The following PIK3C2G variants were observed in gnomAD, a reference collection of about 807,000 sequenced individuals.
PIK3C2G encodes phosphatidylinositol 3-kinase C2 domain-containing subunit gamma.
In PIK3C2G, 168 loss-of-function variants were observed where a neutral mutation model predicts 181.1. The ratio of observed to expected loss-of-function variants is 0.93; its 90% CI spans 0.82 to 1.05. The LOEUF (loss-of-function observed/expected upper bound fraction) is 1.05. Among genes scored for constraint, PIK3C2G ranks in the 50% least tolerant of loss-of-function variants. PIK3C2G has a pLI of 0.00. For synonymous variants in PIK3C2G, 573 were observed against 592.2 expected (o/e 0.97, Z 0.47); for missense variants, 1,869 against 1,732.8 (o/e 1.08, Z -1.40).
chr12:18,493,191 T>TG (rs1443265890), intron 20 of PIK3C2G: 1 of 152,250 alleles, frequency 6.6e-6, no homozygotes, highest in African/African-American at 2.4e-5. Context: ...ATGATGAATG[T>TG]GGCAAGGCCT....
rs146141511 is a variant in PIK3C2G, at chr12:18,592,124, G to T, written c.4012-2370G>T. Among the ~76,000 whole-genome samples the T allele has an allele frequency of 6.0e-3, 918 of 151,902 alleles. 2 individuals carry two copies. The highest frequency in any genetic ancestry group is 0.01 in the Middle Eastern group (3 of 294). Reference sequence around the variant, plus strand: ...GAAGAGTCAAGTGAACCAGTGAAAAGATATTTTGAGATAGAAGGCTTAGGT... The same window carrying T: ...GAAGAGTCAAGTGAACCAGTGAAAATATATTTTGAGATAGAAGGCTTAGGT... On this transcript the variant is annotated intron_variant, in intron 29 of 32. Transcript: ENST00000538779.
chr12:18,575,188 C>T (rs1263416248), intron 29 of PIK3C2G, among the ~76,000 whole-genome samples: 1 of 152,106 alleles, frequency 6.6e-6, no homozygotes, highest in East Asian at 1.9e-4. Context: ...TTTTAGATCC[C>T]TTTCAGCAGT....
intron 24 of PIK3C2G, among the ~76,000 whole-genome samples, chr12:18,536,711 C>T (rs1943872595): frequency 6.6e-6 from 1 of 152,060 alleles, no homozygotes; most frequent in African/African-American, 2.4e-5. Context: ...TATGCTATAT[C>T]TCATGTTTTC....
At chr12:18,669,544 G>A in the PIK3C2G span, among the ~76,000 whole-genome samples, 3 of 152,172 alleles carry the variant, frequency 2.0e-5, no homozygotes, top group African/African-American at 7.2e-5. Context: ...CTGGAGGCTG[G>A]AAAGTCCAAT....
At chr12:18,516,505 T>C (rs1942556884) in intron 24 of PIK3C2G, among the ~76,000 whole-genome samples, 1 of 152,104 alleles carries the variant, frequency 6.6e-6, no homozygotes. Flanking sequence ...TTCCTCTACC[T>C]GAACAATGTC....
At chr12:18,369,492 TATG>T (rs1329471531) in intron 12 of PIK3C2G, among the ~76,000 whole-genome samples, 8 of 134,226 alleles carry the variant, frequency 6.0e-5, no homozygotes, top group Admixed American at 4.7e-4. Flanking sequence ...ATAATTGACA[TATG>T]ATCATATAAC....
chr12:18,701,802 A>G, the PIK3C2G span: 1 of 1,578,196 alleles, frequency 6.3e-7, no homozygotes, highest in African/African-American at 1.4e-5. Flanking sequence ...GAGAGATACA[A>G]TTACACATTT....
intron 11 of PIK3C2G, among the ~76,000 whole-genome samples, chr12:18,355,786 T>C (rs1330553325): frequency 1.3e-5 from 2 of 152,160 alleles, no homozygotes; most frequent in East Asian, 1.9e-4. Context: ...TCTAAGAACA[T>C]ATGGAAATTG....
intron 12 of PIK3C2G, among the ~76,000 whole-genome samples, chr12:18,369,494 T>C (rs868815595): frequency 1.9e-4 from 26 of 134,040 alleles, no homozygotes; most frequent in African/African-American, 5.9e-4. Flanking sequence ...AATTGACATA[T>C]GATCATATAA....
intron 31 of PIK3C2G, among the ~76,000 whole-genome samples, chr12:18,611,824 G>C (rs1009493904): frequency 2.0e-5 from 3 of 152,012 alleles, no homozygotes; most frequent in African/African-American, 7.2e-5. Context: ...CTCCTCCACT[G>C]CTTCCACTTT....
intron 3 of PIK3C2G, among the ~76,000 whole-genome samples, chr12:18,287,190 T>C (rs1282246050): frequency 6.6e-6 from 1 of 152,158 alleles, no homozygotes; most frequent in African/African-American, 2.4e-5. Flanking sequence ...CATGCACTTG[T>C]TTGTTGGTGG....
the PIK3C2G span, among the ~76,000 whole-genome samples, chr12:18,691,147 TCAG>T: frequency 6.6e-6 from 1 of 151,986 alleles, no homozygotes; most frequent in Non-Finnish European, 1.5e-5. Flanking sequence ...AGGAATAGAA[TCAG>T]CAGAATTTAA....
chr12:18,713,925 A>G, the PIK3C2G span: 3 of 152,208 alleles, frequency 2.0e-5, no homozygotes, highest in Non-Finnish European at 2.9e-5. Flanking sequence ...TTCAGTGTTC[A>G]TACTACAAGA....
At chr12:18,668,362 A>T in the PIK3C2G span, among the ~76,000 whole-genome samples, 1 of 152,220 alleles carries the variant, frequency 6.6e-6, no homozygotes, top group African/African-American at 2.4e-5. Context: ...CAGTTTACTA[A>T]TTCCCTTTTG....
At chr12:18,334,179 C>G (rs895634930) in intron 8 of PIK3C2G, among the ~76,000 whole-genome samples, 1 of 152,058 alleles carries the variant, frequency 6.6e-6, no homozygotes, top group Non-Finnish European at 1.5e-5. Context: ...GTCTAAACTC[C>G]TATGCAATGC....
the PIK3C2G span, among the ~76,000 whole-genome samples, chr12:18,656,972 C>A: frequency 6.6e-6 from 1 of 152,248 alleles, no homozygotes; most frequent in African/African-American, 2.4e-5. Flanking sequence ...CAGCAGCTCA[C>A]ATTTTTTGTA....
chr12:18,338,872 C>A (rs1938838391), intron 9 of PIK3C2G, among the ~76,000 whole-genome samples: 2 of 151,864 alleles, frequency 1.3e-5, no homozygotes, highest in Admixed American at 1.3e-4. Context: ...ACAATCCTAC[C>A]TAAATGAACG....
At chr12:18,572,331 A>C (rs1035261716) in intron 29 of PIK3C2G, among the ~76,000 whole-genome samples, 1 of 147,814 alleles carries the variant, frequency 6.8e-6, no homozygotes, top group African/African-American at 2.5e-5. Flanking sequence ...ATACGGCCTT[A>C]TTGTAATTAT....
intron 12 of PIK3C2G, among the ~76,000 whole-genome samples, chr12:18,364,628 G>A (rs1941508283): frequency 6.6e-6 from 1 of 152,128 alleles, no homozygotes; most frequent in African/African-American, 2.4e-5. Context: ...CCCAGGTGCG[G>A]TGGCCACATC....
Sources: gnomAD v4.1 joint callset for allele counts (sites outside exome capture counted in the v4.1 genomes callset) on GRCh38, gnomAD v4.1.1 for gene constraint, MANE v1.5 for transcripts, NCBI Gene and HGNC (gene_info 2026-07-23, HGNC 2026-07-21) for gene names.